Variants in ELAVL2 observed in about 807,000 individuals in gnomAD.
The protein encoded by ELAVL2 is ELAV-like protein 2.
A neutral mutation model predicts 34.6 loss-of-function variants in ELAVL2; 4 were observed. The ratio of observed to expected loss-of-function variants is 0.12; its 90% CI spans 0.06 to 0.26. ELAVL2 has a LOEUF of 0.26. Among genes scored for constraint, ELAVL2 ranks in the 10% least tolerant of loss-of-function variants. ELAVL2 has a pLI of 1.00. For missense variants in ELAVL2, 432 were observed against 442.8 expected (o/e 0.98, Z 0.22); for synonymous variants, 193 against 154.8 (o/e 1.25, Z -1.83).
intron 1 of ELAVL2, among the ~76,000 whole-genome samples, chr9:23,765,487 A>T (rs1378644370): frequency 6.6e-6 from 1 of 151,968 alleles, no homozygotes; most frequent in African/African-American, 2.4e-5. Flanking sequence ...ATAGTGGGAA[A>T]AAGTCATCAT....
rs550520975 is a variant in ELAVL2 at position 23,818,563 on chromosome 9, G to A, written c.-16+7243C>T. On this transcript the variant is annotated intron_variant, in intron 1 of 6. Coordinates refer to ENST00000397312, the MANE Select transcript of ELAVL2 (RefSeq NM_004432.5). ...TGAGTAGCCAAGAAACAAAGAGCTG[G>A]GGGTAGACTGAGATGGGCAGGTTTT... 2.6e-5 allele frequency among the ~76,000 whole-genome samples: 4 copies of A among 152,248 alleles called. No homozygotes were observed. The South Asian group carries it at 6.2e-4, about 24-fold the overall frequency.
chr9:23,692,219 C>A lies in ELAVL2; in HGVS notation c.*338G>T. 1 of 190,590 alleles carries A rather than the reference C, an allele frequency of 5.2e-6. No homozygotes were observed. Among genetic ancestry groups the A allele is most frequent in the Non-Finnish European group, 1.1e-5 (1 of 91,776 alleles). 11.8% of individuals were successfully genotyped at this position (190,590 alleles called of 1,614,324 possible). A position where few individuals can be genotyped will look rare whatever the true frequency, so the allele number is the denominator to read the frequency against. On this transcript the variant is annotated 3_prime_UTR_variant, in exon 7 of 7. Transcript: ENST00000397312. ...TTACAACACAAAGCCTCAATATTTA[C>A]TCACAGGTTCAAGGCAGTTATGTAA...
At chr9:23,803,265 C>T (rs1027743422) in intron 1 of ELAVL2, among the ~76,000 whole-genome samples, 3 of 152,092 alleles carry the variant, frequency 2.0e-5, no homozygotes, top group African/African-American at 7.2e-5. Context: ...TAAACATTGT[C>T]GGGGAAACAT....
At chr9:23,812,409 A>C (rs186430718) in intron 1 of ELAVL2, among the ~76,000 whole-genome samples, 13 of 152,242 alleles carry the variant, frequency 8.5e-5, no homozygotes, top group African/African-American at 3.1e-4. Flanking sequence ...TATCAAAGTC[A>C]TTCTTATTGC....
At chr9:23,828,984 T>A (rs2138731777), upstream of ELAVL2, among the ~76,000 whole-genome samples, 1 of 152,330 alleles carries the variant, frequency 6.6e-6, no homozygotes, top group South Asian at 2.1e-4. Flanking sequence ...TGTGCAAACA[T>A]CTCACTTAAG....
At chr9:23,760,152 A>G (rs2054619985) in intron 2 of ELAVL2, among the ~76,000 whole-genome samples, 3 of 151,996 alleles carry the variant, frequency 2.0e-5, no homozygotes, top group Admixed American at 2.0e-4. Context: ...AAGATTCACA[A>G]AAGAGTAAGA....
At position 23,692,492 on chromosome 9, in the gene ELAVL2, A is replaced by G; in HGVS notation, c.*65T>C. On this transcript the variant is annotated 3_prime_UTR_variant, in exon 7 of 7. Coordinates refer to ENST00000397312, the MANE Select transcript of ELAVL2 (RefSeq NM_004432.5). ...TACAAAGACATTTACTAATGTATAA[A>G]GTTTCTCTTAACTTGCCTTTGTTGT... 1.3e-6 allele frequency: 2 copies of G among 1,484,600 alleles called. No homozygotes were observed. Among genetic ancestry groups the G allele is most frequent in the South Asian group, 2.7e-5 (2 of 73,034 alleles). The allele number at this position is 1,484,600 out of a possible 1,614,324, so 92.0% of individuals were successfully genotyped here. A position where few individuals can be genotyped will look rare whatever the true frequency, so the allele number is the denominator to read the frequency against.
chr9:23,816,766 G>C (rs1055045540), intron 1 of ELAVL2, among the ~76,000 whole-genome samples: 1 of 152,192 alleles, frequency 6.6e-6, no homozygotes, highest in Non-Finnish European at 1.5e-5. Context: ...AATGGATCAT[G>C]AGAGTGAAAA....
chr9:23,850,421 G>A, the ELAVL2 span, among the ~76,000 whole-genome samples: 1 of 152,124 alleles, frequency 6.6e-6, no homozygotes, highest in Admixed American at 6.5e-5. Flanking sequence ...GGGGTTGGCT[G>A]CTGCTGCGAG....
intron 2 of ELAVL2, among the ~76,000 whole-genome samples, chr9:23,756,469 A>T (rs2053579751): frequency 6.6e-6 from 1 of 152,182 alleles, no homozygotes; most frequent in Non-Finnish European, 1.5e-5. Flanking sequence ...TCTTCCACCA[A>T]CTACTCCTCT....
upstream of ELAVL2, chr9:23,829,632 T>C (rs1468089914): frequency 6.6e-6 from 1 of 152,200 alleles, no homozygotes; most frequent in East Asian, 1.9e-4. Context: ...AGATATCATA[T>C]ATCTTGCTGA....
chr9:23,733,085 T>TGATA (rs2046982027), intron 2 of ELAVL2, among the ~76,000 whole-genome samples: 1 of 150,948 alleles, frequency 6.6e-6, no homozygotes, highest in African/African-American at 2.4e-5. Context: ...CCCTTTCTAC[T>TGATA]GATAGATACT....
At chr9:23,756,048 T>C (rs1275386669) in intron 2 of ELAVL2, among the ~76,000 whole-genome samples, 3 of 152,140 alleles carry the variant, frequency 2.0e-5, no homozygotes, top group Non-Finnish European at 4.4e-5. Flanking sequence ...ATACCACTTA[T>C]CTGTTTCAAT....
intron 2 of ELAVL2, among the ~76,000 whole-genome samples, chr9:23,734,518 A>G (rs1266639401): frequency 6.6e-6 from 1 of 152,186 alleles, no homozygotes; most frequent in African/African-American, 2.4e-5. Context: ...TAACTAGTTT[A>G]TACCTGAACT....
rs961879806 is a variant in ELAVL2, at chr9:23,749,452, T to C, written c.229+12554A>G. ...CATAACGAGTGTTAGAAATGGAGTCTTACCGGTAAAATTAAAGGAGTTCAA... is the reference window on the plus strand; with the variant it reads ...CATAACGAGTGTTAGAAATGGAGTCCTACCGGTAAAATTAAAGGAGTTCAA... On this transcript the variant is annotated intron_variant, in intron 2 of 6. Coordinates refer to ENST00000397312, the MANE Select transcript of ELAVL2 (RefSeq NM_004432.5). Among the ~76,000 whole-genome samples, 3 of 152,112 alleles carry C rather than the reference T, an allele frequency of 2.0e-5. No individual in the cohort carries two copies. In the South Asian group the frequency reaches 6.2e-4, roughly 31 times the overall value.
chr9:23,733,145 G>A (rs2046995346), intron 2 of ELAVL2, among the ~76,000 whole-genome samples: 1 of 131,824 alleles, frequency 7.6e-6, no homozygotes, highest in Non-Finnish European at 1.5e-5. Flanking sequence ...TCTCAAACTT[G>A]ACTGCAATGG....
At chr9:23,783,632 T>C in intron 1 of ELAVL2, 1 of 478,980 alleles carries the variant, frequency 2.1e-6, no homozygotes, top group Non-Finnish European at 2.7e-6. Context: ...CATTCTAACA[T>C]GCAAATCCTA....
chr9:23,737,704 C>T (rs77638908), intron 2 of ELAVL2, among the ~76,000 whole-genome samples: 1,992 of 152,190 alleles, frequency 0.013, 42 homozygotes, highest in African/African-American at 0.042. Context: ...ATCTATTATT[C>T]CATTTACAGC....
At chr9:23,693,218 G>A (rs927907665) in intron 6 of ELAVL2, among the ~76,000 whole-genome samples, 1 of 152,164 alleles carries the variant, frequency 6.6e-6, no homozygotes, top group Non-Finnish European at 1.5e-5. Flanking sequence ...ATGCTGTAAC[G>A]TCGTAACGCA....
Sources: gnomAD v4.1 joint callset for allele counts (sites outside exome capture counted in the v4.1 genomes callset) on GRCh38, gnomAD v4.1.1 for gene constraint, MANE v1.5 for transcripts, NCBI Gene and HGNC (gene_info 2026-07-23, HGNC 2026-07-21) for gene names.